Variants in IL1RL2 observed in about 807,000 individuals in gnomAD.
IL1RL2 encodes the protein interleukin-1 receptor-like 2.
Under a neutral mutation model 66.8 loss-of-function variants are expected in IL1RL2, and 68 were observed. The ratio of observed to expected loss-of-function variants is 1.02; its 90% CI spans 0.84 to 1.25. The LOEUF is 1.25. Ranked by LOEUF, IL1RL2 falls within the 50% of genes most tolerant of loss-of-function variation. The pLI, the probability that IL1RL2 is intolerant of heterozygous loss-of-function variation, is 0.00. For missense variants in IL1RL2, 729 were observed against 709.3 expected, an observed-to-expected ratio of 1.03 and a Z score of -0.32; for synonymous variants, 305 against 264.6, an observed-to-expected ratio of 1.15 and a Z score of -1.48.
intron 5 of IL1RL2, among the ~76,000 whole-genome samples, chr2:102,203,160 T>C (rs1469666458): frequency 6.6e-6 from 1 of 152,230 alleles, no homozygotes; most frequent in Non-Finnish European, 1.5e-5. Context: ...CTTTATTCTG[T>C]TGATATGATG....
chr2:102,205,873 G>T (rs573511916), intron 5 of IL1RL2, among the ~76,000 whole-genome samples: 2 of 151,890 alleles, frequency 1.3e-5, no homozygotes, highest in South Asian at 2.1e-4. Flanking sequence ...TTTTAGATTT[G>T]CCCTTTTGAG....
chr2:102,210,700 T>C (rs143646363), intron 5 of IL1RL2, among the ~76,000 whole-genome samples: 88 of 152,314 alleles, frequency 5.8e-4, no homozygotes, highest in African/African-American at 2.0e-3. Flanking sequence ...GGTGATGCTA[T>C]TCAGTGAAGG....
intron 11 of IL1RL2, among the ~76,000 whole-genome samples, 158 bp from the exon 12 acceptor site, chr2:102,239,034 T>G (rs1675108301): frequency 6.6e-6 from 1 of 152,140 alleles, no homozygotes; most frequent in African/African-American, 2.4e-5. Flanking sequence ...ATAACCACCT[T>G]GCAAAGATAA....
intron 5 of IL1RL2, among the ~76,000 whole-genome samples, chr2:102,205,708 G>A (rs72820152): frequency 0.28 from 42,658 of 151,918 alleles, 6,618 homozygotes; most frequent in East Asian, 0.39. Context: ...ATGTCTTGAC[G>A]TAGTCTCCTT....
chr2:102,240,878 A>G (rs570481631), downstream of IL1RL2, among the ~76,000 whole-genome samples: 6 of 152,400 alleles, frequency 3.9e-5, no homozygotes, highest in African/African-American at 1.4e-4. Flanking sequence ...AAAAGAAAGC[A>G]GCTCACTGGG....
intron 8 of IL1RL2, among the ~76,000 whole-genome samples, chr2:102,222,553 T>C (rs973251645): frequency 2.0e-5 from 3 of 152,276 alleles, no homozygotes; most frequent in Admixed American, 2.0e-4. Context: ...CCCACTCATT[T>C]CCCAGTTGTC....
chr2:102,228,444 G>A (rs1028871493), intron 9 of IL1RL2, among the ~76,000 whole-genome samples: 2 of 152,174 alleles, frequency 1.3e-5, no homozygotes, highest in Admixed American at 1.3e-4. Context: ...CATTTTAGAA[G>A]GAGCCATTGA....
intron 3 of IL1RL2, among the ~76,000 whole-genome samples, chr2:102,189,779 A>T (rs1687070675): frequency 6.6e-6 from 1 of 152,084 alleles, no homozygotes; most frequent in East Asian, 1.9e-4. Flanking sequence ...CTATATCCGA[A>T]GTAGCTGGGA....
chr2:102,187,224 C>T (rs1389144830), intron 1 of IL1RL2, 138 bp downstream of exon 1: 7 of 1,202,450 alleles, frequency 5.8e-6, no homozygotes, highest in Admixed American at 3.0e-5. Flanking sequence ...GGCCCCCGAC[C>T]GGCTAGGTGA....
chr2:102,235,612 G>A (rs781600204), intron 11 of IL1RL2: 23 of 985,400 alleles, frequency 2.3e-5, no homozygotes, highest in Middle Eastern at 5.2e-4. Context: ...GGACATGCCC[G>A]GAAGTTTGCC....
intron 4 of IL1RL2, 106 bp from the exon 5 acceptor site, chr2:102,201,450 C>A: frequency 7.2e-6 from 7 of 966,138 alleles, no homozygotes; most frequent in Non-Finnish European, 1.1e-5. Context: ...ACCTAGCTAG[C>A]TAGCTATCTG....
downstream of IL1RL2, among the ~76,000 whole-genome samples, chr2:102,242,419 G>GA (rs1336436149): frequency 6.6e-6 from 1 of 152,134 alleles, no homozygotes; most frequent in African/African-American, 2.4e-5. Context: ...TGGAGGCTGA[G>GA]AAGGCCCACA....
At chr2:102,201,426 C>T (rs1688244526) in intron 4 of IL1RL2, 130 bp from the exon 5 acceptor site, 2 of 724,518 alleles carry the variant, frequency 2.8e-6, no homozygotes, top group African/African-American at 1.8e-5. Flanking sequence ...TATCATCTAC[C>T]TATTTTTCTA....
downstream of IL1RL2, among the ~76,000 whole-genome samples, chr2:102,241,024 C>T (rs1470894087): frequency 2.6e-5 from 4 of 152,250 alleles, no homozygotes; most frequent in Admixed American, 6.5e-5. Context: ...TGCTGAGGAA[C>T]CGCTGTCCAG....
At chr2:102,195,632 TCTCTCTCTCTCTCTC>T (rs1559530332) in intron 4 of IL1RL2, among the ~76,000 whole-genome samples, 4 of 29,624 alleles carry the variant, frequency 1.4e-4, no homozygotes, top group Admixed American at 3.3e-4. Context: ...TTTCTTTCTC[TCTCTCTCTCTCTCTC>T]TTTCTTTCTT....
chr2:102,220,873 C>T (rs183855385), intron 8 of IL1RL2, among the ~76,000 whole-genome samples: 30 of 152,326 alleles, frequency 2.0e-4, no homozygotes, highest in East Asian at 7.7e-4. Context: ...AGTTAGCAAT[C>T]GTGCCTTTGC....
rs1261579945 is a variant in IL1RL2, at chr2:102,235,522, T to G, written c.1678+245T>G. On this transcript the variant is annotated intron_variant, in intron 11 of 11. Transcript: ENST00000264257. ...TTTAGCCTATGGGCTTATTGACACA[T>G]GCCCACTCACTGAGGCCTGGATGGA... 2.0e-5 allele frequency: 20 copies of G among 985,438 alleles called. 1 individual carries two copies. In the South Asian group the frequency reaches 6.1e-4, roughly 30 times the overall value. 61.0% of individuals were successfully genotyped at this position (985,438 alleles called of 1,614,324 possible).
intron 11 of IL1RL2, among the ~76,000 whole-genome samples, chr2:102,238,665 T>G (rs922182425): frequency 6.6e-6 from 1 of 152,210 alleles, no homozygotes; most frequent in Admixed American, 6.5e-5. Flanking sequence ...CCTGGTTTCC[T>G]TGAAGAACAG....
At chr2:102,227,521 T>C (rs1027896687) in intron 9 of IL1RL2, among the ~76,000 whole-genome samples, 1 of 152,198 alleles carries the variant, frequency 6.6e-6, no homozygotes, top group African/African-American at 2.4e-5. Flanking sequence ...AAGTGTCCAG[T>C]GCAACCTGAA....
Sources: allele counts gnomAD v4.1 joint callset (sites outside exome capture counted in the v4.1 genomes callset), GRCh38; gene constraint gnomAD v4.1.1; transcripts MANE v1.5; gene names NCBI Gene and HGNC (gene_info 2026-07-23, HGNC 2026-07-21).